The following ZFPM2 variants were observed in gnomAD, a reference collection of about 807,000 sequenced individuals.
ZFPM2 encodes zinc finger protein ZFPM2.
Under a neutral mutation model 98.6 loss-of-function variants are expected in ZFPM2, and 20 were observed. That is an observed-to-expected ratio of 0.20 (90% CI 0.14 to 0.29). The LOEUF is 0.29. ZFPM2 is among the 10% of genes least tolerant of loss of function. The pLI, the probability that ZFPM2 is intolerant of heterozygous loss-of-function variation, is 1.00. For synonymous variants in ZFPM2, 518 were observed against 502.7 expected, an observed-to-expected ratio of 1.03 and a Z score of -0.41; for missense variants, 1,310 against 1,388.6, an observed-to-expected ratio of 0.94 and a Z score of 0.90.
At chr8:105,351,676 A>C (rs990054293) in intron 1 of ZFPM2, among the ~76,000 whole-genome samples, 2 of 152,138 alleles carry the variant, frequency 1.3e-5, no homozygotes, top group African/African-American at 4.8e-5. Flanking sequence ...GTTTACAGAT[A>C]ATATTGCTGA....
chr8:105,538,524 A>G (rs373139674), intron 3 of ZFPM2, among the ~76,000 whole-genome samples: 1 of 152,128 alleles, frequency 6.6e-6, no homozygotes, highest in African/African-American at 2.4e-5. Flanking sequence ...ACAGTTTAAT[A>G]TTATATTTAA....
At chr8:105,322,451 CTT>C (rs11303818) in intron 1 of ZFPM2, among the ~76,000 whole-genome samples, 3,614 of 125,156 alleles carry the variant, frequency 0.029, 113 homozygotes, top group African/African-American at 0.092. Context: ...GTGGACATCA[CTT>C]TTTTTTTTTT....
intron 3 of ZFPM2, among the ~76,000 whole-genome samples, chr8:105,538,479 C>T (rs747096431): frequency 6.6e-6 from 1 of 152,108 alleles, no homozygotes; most frequent in Non-Finnish European, 1.5e-5. Flanking sequence ...GAAAGTATCT[C>T]CTGTCGTTTA....
chr8:105,487,917 TCTATCTATCTATCTAGCTAGCTAGCTAG>T (rs1404415599), intron 3 of ZFPM2, among the ~76,000 whole-genome samples: 1 of 95,476 alleles, frequency 1.0e-5, no homozygotes, highest in Non-Finnish European at 2.4e-5. Context: ...TATCTATCTA[TCTATCTATCTATCTAGCTAGCTAGCTAG>T]CTAGCTATCT....
chr8:105,452,567 G>A (rs768425006), intron 3 of ZFPM2, among the ~76,000 whole-genome samples: 1 of 151,848 alleles, frequency 6.6e-6, no homozygotes, highest in Non-Finnish European at 1.5e-5. Flanking sequence ...GGGCAATATT[G>A]TGTAACCCTC....
chr8:105,710,712 T>G (rs79352271), intron 5 of ZFPM2, among the ~76,000 whole-genome samples: 6,166 of 147,482 alleles, frequency 0.042, 409 homozygotes, highest in African/African-American at 0.15. Flanking sequence ...TATGTGTGTG[T>G]GGGGGGGTGT....
At chr8:105,669,213 C>T (rs753315740) in intron 5 of ZFPM2, among the ~76,000 whole-genome samples, 2 of 151,768 alleles carry the variant, frequency 1.3e-5, no homozygotes, top group Non-Finnish European at 2.9e-5. Context: ...TATTGGACTC[C>T]CCATGGATAT....
intron 6 of ZFPM2, among the ~76,000 whole-genome samples, chr8:105,797,643 CTCCCAGCT>C (rs1205959440): frequency 6.6e-6 from 1 of 152,176 alleles, no homozygotes; most frequent in Non-Finnish European, 1.5e-5. Flanking sequence ...GCCTCCCAGC[CTCCCAGCT>C]CCTCTCTCAG....
At chr8:105,475,144 G>A (rs1812987021) in intron 3 of ZFPM2, among the ~76,000 whole-genome samples, 1 of 152,124 alleles carries the variant, frequency 6.6e-6, no homozygotes, top group African/African-American at 2.4e-5. Context: ...GACAAATTTG[G>A]TACTTAAAAA....
chr8:105,424,713 A>G (rs1811872180), intron 2 of ZFPM2, among the ~76,000 whole-genome samples: 1 of 152,234 alleles, frequency 6.6e-6, no homozygotes, highest in Non-Finnish European at 1.5e-5. Context: ...GGACTGGCAG[A>G]AACTTTCACT....
chr8:105,453,626 T>G (rs1324753197), intron 3 of ZFPM2, among the ~76,000 whole-genome samples: 6 of 151,940 alleles, frequency 3.9e-5, no homozygotes, highest in African/African-American at 7.2e-5. Context: ...TCTGGAGTTT[T>G]TTTTGTTTTG....
intron 5 of ZFPM2, among the ~76,000 whole-genome samples, chr8:105,654,944 A>T (rs2130875878): frequency 6.6e-6 from 1 of 152,268 alleles, no homozygotes; most frequent in African/African-American, 2.4e-5. Context: ...GTTTATTTGA[A>T]TTTTTGGCTT....
chr8:105,580,178 C>T (rs1478848123), intron 4 of ZFPM2, among the ~76,000 whole-genome samples: 2 of 152,176 alleles, frequency 1.3e-5, no homozygotes, highest in Non-Finnish European at 2.9e-5. Flanking sequence ...TGGCACCAAA[C>T]ATAAAGATAT....
intron 2 of ZFPM2, among the ~76,000 whole-genome samples, chr8:105,420,224 T>C (rs1238588975): frequency 1.3e-5 from 2 of 152,128 alleles, no homozygotes; most frequent in African/African-American, 2.4e-5. Flanking sequence ...AGTGGACTTT[T>C]GTGTGTGTGT....
At chr8:105,502,131 G>T (rs1321088325) in intron 3 of ZFPM2, among the ~76,000 whole-genome samples, 1 of 152,008 alleles carries the variant, frequency 6.6e-6, no homozygotes, top group Admixed American at 6.6e-5. Context: ...AAAGTAAGAT[G>T]GTTCCTCAAA....
At position 105,792,260 on chromosome 8, in the gene ZFPM2, A is replaced by T. The variant is rs538976604; in HGVS notation, c.739+3336A>T. Among the ~76,000 whole-genome samples the T allele has an allele frequency of 2.6e-5, 4 of 152,224 alleles. No homozygotes were observed. In the South Asian group the frequency reaches 8.3e-4, roughly 32 times the overall value. On this transcript the variant is annotated intron_variant, in intron 6 of 7. Coordinates refer to ENST00000407775, the MANE Select transcript of ZFPM2 (RefSeq NM_012082.4). ...AAATTTCCCTCTACACACTGCTTTG[A>T]ATGTGTCCCAGAGATTCAGGTATGC...
intron 5 of ZFPM2, among the ~76,000 whole-genome samples, chr8:105,687,847 A>G (rs1810776705): frequency 6.6e-6 from 1 of 152,094 alleles, no homozygotes; most frequent in Admixed American, 6.5e-5. Context: ...GGAACATAAA[A>G]AGAACACATT....
Position 105,717,265 on chromosome 8 carries a change from G to A in ZFPM2, c.533-71453G>A, listed in dbSNP as rs75397664. Among the ~76,000 whole-genome samples, 30 of 151,924 alleles carry A rather than the reference G, an allele frequency of 2.0e-4. No homozygotes were observed. In the East Asian group the frequency reaches 5.4e-3, roughly 28 times the overall value. On this transcript the variant is annotated intron_variant, in intron 5 of 7. Transcript: ENST00000407775. ...GAATAGCTAACATCTCTTTCTTTTCGCCTGTTTATAGCATACCCAACCTTG... is the reference window on the plus strand; with the variant it reads ...GAATAGCTAACATCTCTTTCTTTTCACCTGTTTATAGCATACCCAACCTTG...
chr8:105,731,766 T>A (rs369873515), intron 5 of ZFPM2, among the ~76,000 whole-genome samples: 11 of 151,874 alleles, frequency 7.2e-5, no homozygotes, highest in African/African-American at 1.7e-4. Context: ...GTCCAGATTT[T>A]AAAAAATCAC....
Sources: allele counts gnomAD v4.1 joint callset (sites outside exome capture counted in the v4.1 genomes callset), GRCh38; gene constraint gnomAD v4.1.1; transcripts MANE v1.5; gene names NCBI Gene and HGNC (gene_info 2026-07-23, HGNC 2026-07-21).